Variants in CYP7B1 observed in about 807,000 individuals in gnomAD.
The protein encoded by CYP7B1 is cytochrome P450 7B1.
Under a neutral mutation model 42.7 loss-of-function variants are expected in CYP7B1, and 29 were observed. That is an observed-to-expected ratio of 0.68 (90% CI 0.51 to 0.93). CYP7B1 has a LOEUF of 0.93. Ranked by LOEUF, CYP7B1 falls within the 40% of genes least tolerant of loss-of-function variation. The pLI is 0.00. For synonymous variants in CYP7B1, 235 were observed against 218.2 expected, an observed-to-expected ratio of 1.08 and a Z score of -0.68; for missense variants, 655 against 600.5, an observed-to-expected ratio of 1.09 and a Z score of -0.95.
chr8:64,789,961 G>C (rs531554877), intron 1 of CYP7B1, among the ~76,000 whole-genome samples: 1 of 152,272 alleles, frequency 6.6e-6, no homozygotes, highest in South Asian at 2.1e-4. Context: ...TTATCTCAGA[G>C]AGAATCCTTC....
chr8:64,656,217 T>A (rs2129631305), intron 1 of CYP7B1, among the ~76,000 whole-genome samples: 1 of 152,126 alleles, frequency 6.6e-6, no homozygotes, highest in African/African-American at 2.4e-5. Context: ...TACCCTAAAT[T>A]AAAAACAAAC....
intron 1 of CYP7B1, among the ~76,000 whole-genome samples, chr8:64,627,647 A>T (rs1805628544): frequency 6.6e-6 from 1 of 152,170 alleles, no homozygotes; most frequent in Admixed American, 6.5e-5. Flanking sequence ...AATCCAGGGG[A>T]TATTAACTTA....
At chr8:64,796,903 C>A (rs77387352) in intron 1 of CYP7B1, among the ~76,000 whole-genome samples, 2,271 of 152,248 alleles carry the variant, frequency 0.015, 66 homozygotes, top group African/African-American at 0.049. Flanking sequence ...TCTGAAAAAT[C>A]ATTTTCGTAG....
At chr8:64,688,793 G>C (rs935561349) in intron 1 of CYP7B1, among the ~76,000 whole-genome samples, 1 of 152,126 alleles carries the variant, frequency 6.6e-6, no homozygotes, top group Non-Finnish European at 1.5e-5. Context: ...CAAGCACACT[G>C]GTGTGCACCT....
chr8:64,642,977 G>A (rs1463150746), intron 1 of CYP7B1, among the ~76,000 whole-genome samples: 1 of 151,362 alleles, frequency 6.6e-6, no homozygotes, highest in Admixed American at 6.6e-5. Context: ...ACCTTAATTT[G>A]GCCTCCCAGT....
chr8:64,656,217 TA>T (rs1234040926), intron 1 of CYP7B1, among the ~76,000 whole-genome samples: 1 of 152,008 alleles, frequency 6.6e-6, no homozygotes, highest in Non-Finnish European at 1.5e-5. Context: ...TACCCTAAAT[TA>T]AAAACAAACA....
intron 1 of CYP7B1, among the ~76,000 whole-genome samples, chr8:64,664,049 G>A (rs1806239640): frequency 6.6e-6 from 1 of 152,190 alleles, no homozygotes; most frequent in African/African-American, 2.4e-5. Context: ...ACAGATGCCA[G>A]CTGGGCAGGT....
At chr8:64,589,646 T>A (rs1322199075), downstream of CYP7B1, among the ~76,000 whole-genome samples, 1 of 152,204 alleles carries the variant, frequency 6.6e-6, no homozygotes, top group Non-Finnish European at 1.5e-5. Flanking sequence ...ATGACACAGA[T>A]TTTTTGGTAA....
rs1401284275 is a variant in CYP7B1, at chr8:64,595,282, G to C, written c.*1360C>G. 1.3e-5 allele frequency among the ~76,000 whole-genome samples: 2 copies of C among 152,192 alleles called. No individual in the cohort carries two copies. The highest frequency in any genetic ancestry group is 2.9e-5 in the Non-Finnish European group (2 of 68,036). On this transcript the variant is annotated 3_prime_UTR_variant, in exon 6 of 6. Transcript: ENST00000310193. ...TTCAGGAAGGATAAAATAAATGCTA[G>C]ACTGTCTTATTTACTTACTAAGAAT...
intron 1 of CYP7B1, among the ~76,000 whole-genome samples, chr8:64,784,597 T>A (rs1804491047): frequency 6.6e-6 from 1 of 152,146 alleles, no homozygotes; most frequent in Non-Finnish European, 1.5e-5. Context: ...TCAAAAAAAT[T>A]AAATACTTTA....
chr8:64,593,240 T>G lies in CYP7B1; in HGVS notation c.*3402A>C, dbSNP rs1452171889. Among the ~76,000 whole-genome samples the G allele has an allele frequency of 2.3e-4, 16 of 68,646 alleles. No individual in the cohort carries two copies. The highest frequency in any genetic ancestry group is 0.013 in the Middle Eastern group (2 of 154). The allele number at this position is 68,646 out of a possible 152,430, so 45.0% of individuals were successfully genotyped here. A position where few individuals can be genotyped will look rare whatever the true frequency, so the allele number is the denominator to read the frequency against. ...TAAAGGCTAGGGCCCAGGGTGTGTG[T>G]GTGTGTGTGTGTGTGTGTGTGTGTG... is the stretch of plus-strand genomic sequence containing the variant. On this transcript the variant is annotated 3_prime_UTR_variant, in exon 6 of 6. Coordinates refer to ENST00000310193, the MANE Select transcript of CYP7B1 (RefSeq NM_004820.5).
Position 64,616,002 on chromosome 8 carries a change from A to C in CYP7B1, c.539T>G (p.Leu180Arg). The change falls in exon 3 of 6, where the codon CTG becomes CGG. Residue 180 changes from leucine to arginine, a missense_variant. By Grantham distance (102) the Leu-to-Arg change is moderately radical. Transcript: ENST00000310193. ...TATTATTGAGCTGCAGAATGGATACAGTTCTGCCGTGTCCCAACTTGTGGT... is the reference window on the plus strand; with the variant it reads ...TATTATTGAGCTGCAGAATGGATACCGTTCTGCCGTGTCCCAACTTGTGGT... Reference protein sequence around the residue: ...LKTTSWDTAELYPFCSSIIFE... With the variant: ...LKTTSWDTAERYPFCSSIIFE... 1 of 1,613,776 alleles carries C rather than the reference A, an allele frequency of 6.2e-7. No homozygotes were observed. The highest frequency in any genetic ancestry group is 8.5e-7 in the Non-Finnish European group (1 of 1,179,840).
intron 1 of CYP7B1, among the ~76,000 whole-genome samples, chr8:64,638,752 G>A (rs997682710): frequency 3.3e-5 from 5 of 152,018 alleles, no homozygotes; most frequent in Non-Finnish European, 7.4e-5. Context: ...ATACTAATTT[G>A]TTTCAGGGGC....
chr8:64,771,047 C>CTTTTTTTT (rs757503820), intron 1 of CYP7B1, among the ~76,000 whole-genome samples: 430 of 42,498 alleles, frequency 0.01, 141 homozygotes, highest in African/African-American at 0.02. Flanking sequence ...ATATCAGCAT[C>CTTTTTTTT]TTTTTTTTTT....
intron 1 of CYP7B1, among the ~76,000 whole-genome samples, chr8:64,761,525 T>C (rs1807891024): frequency 6.6e-6 from 1 of 152,116 alleles, no homozygotes; most frequent in African/African-American, 2.4e-5. Flanking sequence ...GAACACTCAT[T>C]TCCTCAAAGG....
chr8:64,688,160 T>C (rs1806684510), intron 1 of CYP7B1, among the ~76,000 whole-genome samples: 1 of 152,206 alleles, frequency 6.6e-6, no homozygotes, highest in Admixed American at 6.5e-5. Flanking sequence ...TGTCTGCACA[T>C]AAAACCTGAT....
At chr8:64,769,739 C>A (rs943965146) in intron 1 of CYP7B1, among the ~76,000 whole-genome samples, 39 of 152,114 alleles carry the variant, frequency 2.6e-4, no homozygotes, top group African/African-American at 9.2e-4. Flanking sequence ...TGATCGCTTT[C>A]TCCTCCCTCA....
intron 1 of CYP7B1, among the ~76,000 whole-genome samples, chr8:64,775,931 A>G (rs1282797907): frequency 6.6e-6 from 1 of 152,154 alleles, no homozygotes; most frequent in Non-Finnish European, 1.5e-5. Context: ...CAGCTTCTTC[A>G]TTTACAGATG....
chr8:64,748,954 T>C (rs1807687688), intron 1 of CYP7B1, among the ~76,000 whole-genome samples: 2 of 152,176 alleles, frequency 1.3e-5, no homozygotes. Context: ...CAACACTAAA[T>C]GACTCCAGAG....
Sources: gnomAD v4.1 joint callset for allele counts (sites outside exome capture counted in the v4.1 genomes callset) on GRCh38, gnomAD v4.1.1 for gene constraint, MANE v1.5 for transcripts, NCBI Gene and HGNC (gene_info 2026-07-23, HGNC 2026-07-21) for gene names.